Variants in SLC12A7 observed in about 807,000 individuals in gnomAD.
SLC12A7 encodes solute carrier family 12 member 7.
In SLC12A7, 100 loss-of-function variants were observed where a neutral mutation model predicts 120.6. That is an observed-to-expected ratio of 0.83 (90% CI 0.71 to 0.98). The LOEUF (loss-of-function observed/expected upper bound fraction) is 0.98, where lower values mean the gene tolerates loss of function less well. SLC12A7 is among the 50% of genes least tolerant of loss of function. The probability of loss-of-function intolerance (pLI) is 0.00; values close to 1 mark genes in which losing one functional copy is unlikely to be tolerated. For missense variants in SLC12A7, 1,373 were observed against 1,548.1 expected (o/e 0.89, Z 1.90); for synonymous variants, 760 against 678.0 (o/e 1.12, Z -1.88).
Position 1,074,188 on chromosome 5 carries a change from G to A in SLC12A7, c.2072+379C>T, listed in dbSNP as rs562162887. ...CGAGGCCCTGAGGGGACAATGGCCC[G>A]GGGCACACCCGAGGCCCCCGCCGAG... On this transcript the variant is annotated intron_variant, in intron 16 of 23. Transcript: ENST00000264930. Among the ~76,000 whole-genome samples, 282 of 151,950 alleles carry A rather than the reference G, an allele frequency of 1.9e-3. 2 individuals are homozygous for A. The highest frequency in any genetic ancestry group is 5.9e-3 in the African/African-American group (243 of 41,396).
chr5:1,052,890 C>T (rs781677717), intron 23 of SLC12A7, among the ~76,000 whole-genome samples: 2 of 152,244 alleles, frequency 1.3e-5, no homozygotes, highest in Admixed American at 6.5e-5. Context: ...TGTGCCAATA[C>T]GCCCAGATGC....
the SLC12A7 span, among the ~76,000 whole-genome samples, chr5:1,131,553 C>A: frequency 6.6e-6 from 1 of 152,206 alleles, no homozygotes; most frequent in Admixed American, 6.5e-5. Flanking sequence ...CTCCGGGCAA[C>A]CTGCCAGGAC....
chr5:1,100,664 G>A (rs549070406), intron 1 of SLC12A7, among the ~76,000 whole-genome samples: 11 of 152,220 alleles, frequency 7.2e-5, no homozygotes, highest in Non-Finnish European at 1.0e-4. Flanking sequence ...CAGGGAGGGC[G>A]CCTGTCCTCT....
At position 1,074,508 on chromosome 5, in the gene SLC12A7, C is replaced by T. The variant is rs183720186; in HGVS notation, c.2072+59G>A. 6.2e-5 allele frequency: 93 copies of T among 1,499,862 alleles called. No homozygotes were observed. In the East Asian group the frequency reaches 1.8e-3, roughly 29 times the overall value. The allele number at this position is 1,499,862 out of a possible 1,614,324, so 92.9% of individuals were successfully genotyped here. A position where few individuals can be genotyped will look rare whatever the true frequency, so the allele number is the denominator to read the frequency against. Reference sequence around the variant, plus strand: ...GACTCAAAGGTCCCCACTCAAAGGCCGACCTCAGAAACAGCTCTTCTGTGC... The same window carrying T: ...GACTCAAAGGTCCCCACTCAAAGGCTGACCTCAGAAACAGCTCTTCTGTGC... On this transcript the variant is annotated intron_variant, in intron 16 of 23. Coordinates refer to ENST00000264930, the MANE Select transcript of SLC12A7 (RefSeq NM_006598.3).
At position 1,093,389 on chromosome 5, in the gene SLC12A7, C is replaced by T. The variant is rs1462370134; in HGVS notation, c.342+144G>A. 2.5e-5 allele frequency: 21 copies of T among 836,424 alleles called. No homozygotes were observed. In the Admixed American group the frequency reaches 4.4e-4, roughly 18 times the overall value. The allele number at this position is 836,424 out of a possible 1,614,324, so 51.8% of individuals were successfully genotyped here. On this transcript the variant is annotated intron_variant, in intron 3 of 23. Coordinates refer to ENST00000264930, the MANE Select transcript of SLC12A7 (RefSeq NM_006598.3). ...GCTGCAGGGCAGGCACCATCGAGCC[C>T]TCCCAGGAAGAAAGGGCTGGACGTG... is the stretch of plus-strand genomic sequence containing the variant.
At chr5:1,117,769 C>T in the SLC12A7 span, among the ~76,000 whole-genome samples, 2 of 152,198 alleles carry the variant, frequency 1.3e-5, no homozygotes, top group Non-Finnish European at 2.9e-5. This position sits in a 1 kb window ranked among gnomAD's most constrained non-coding sequence, Gnocchi z 4.5. Context: ...ACCCACTAAG[C>T]TGTCCTTAAA....
At chr5:1,127,489 C>A in the SLC12A7 span, among the ~76,000 whole-genome samples, 1 of 152,210 alleles carries the variant, frequency 6.6e-6, no homozygotes, top group Non-Finnish European at 1.5e-5. Context: ...GGGCGTGCAG[C>A]CCTGCCCACA....
chr5:1,147,089 G>A, the SLC12A7 span, among the ~76,000 whole-genome samples: 1 of 152,136 alleles, frequency 6.6e-6, no homozygotes, highest in Non-Finnish European at 1.5e-5. Flanking sequence ...GTGTGTGTCT[G>A]AATTTCCTTT....
chr5:1,053,542 G>GGCTGA, intron 22 of SLC12A7, 60 bp from the exon 23 acceptor site: 1 of 1,587,908 alleles, frequency 6.3e-7, no homozygotes, highest in African/African-American at 1.3e-5. Flanking sequence ...CCGGACACGA[G>GGCTGA]GCTGAGCTGA....
Position 1,064,112 on chromosome 5 carries a change from G to A in SLC12A7, c.2578C>T (p.Leu860=), listed in dbSNP as rs116788523. 6.0e-4 allele frequency: 973 copies of A among 1,609,750 alleles called. 5 individuals are homozygous for A. The African/African-American group carries it at 0.011, about 19-fold the overall frequency. Residue 860 remains leucine (L), a synonymous_variant, in exon 19 of 24, where the codon CTG becomes TTG. Coordinates refer to ENST00000264930, the MANE Select transcript of SLC12A7 (RefSeq NM_006598.3). ...TGCTGGCGCAGCAGGAAGGGCAGCA[G>A]CATGAGCATGCCGCCGTCGTGCACG... ...WIVHDGGMLM[L]LPFLLRQHKV...
the SLC12A7 span, among the ~76,000 whole-genome samples, chr5:1,119,970 A>AC: frequency 3.3e-5 from 5 of 151,570 alleles, no homozygotes; most frequent in South Asian, 2.1e-4. Context: ...GGCAGCTGGG[A>AC]CCCCCCCATA....
chr5:1,076,151 T>A lies in SLC12A7; in HGVS notation c.1834A>T (p.Lys612Ter). Residue 612 changes from lysine (K) to a stop codon, truncating the protein, a stop_gained, in exon 14 of 24, where the codon AAG becomes TAG. Transcript: ENST00000264930. LOFTEE classifies it high-confidence loss of function. ...LRTPNWRPRF[K>*]FYHWTLSFLG... ...GAGTGGCCTCACCAGTGGTAGAACTTGAAGCGTGGACGCCAGTTGGGGGTA... is the reference window on the plus strand; with the variant it reads ...GAGTGGCCTCACCAGTGGTAGAACTAGAAGCGTGGACGCCAGTTGGGGGTA... The A allele has an allele frequency of 6.2e-7, 1 of 1,611,160 alleles. No individual in the cohort carries two copies. Among genetic ancestry groups the A allele is most frequent in the Non-Finnish European group, 8.5e-7 (1 of 1,179,116 alleles).
the SLC12A7 span, among the ~76,000 whole-genome samples, chr5:1,134,818 C>T: frequency 2.6e-5 from 4 of 152,214 alleles, no homozygotes; most frequent in Non-Finnish European, 4.4e-5. Flanking sequence ...GTCCACACAG[C>T]GGGATGTTGT....
chr5:1,143,205 A>G, the SLC12A7 span, among the ~76,000 whole-genome samples: 2 of 152,110 alleles, frequency 1.3e-5, no homozygotes, highest in Non-Finnish European at 2.9e-5. Flanking sequence ...ACATCCCGCC[A>G]CCTCCCGCAG....
the SLC12A7 span, among the ~76,000 whole-genome samples, chr5:1,128,567 C>CT: frequency 6.6e-6 from 1 of 152,248 alleles, no homozygotes; most frequent in East Asian, 1.9e-4. Flanking sequence ...CCCCAACACT[C>CT]TGAGACCTCT....
chr5:1,138,222 ATT>A, the SLC12A7 span, among the ~76,000 whole-genome samples: 29 of 152,140 alleles, frequency 1.9e-4, no homozygotes, highest in African/African-American at 7.0e-4. Flanking sequence ...CTTCCACATC[ATT>A]GAAATGAACC....
At chr5:1,107,982 G>A (rs900732553) in intron 1 of SLC12A7, among the ~76,000 whole-genome samples, 1 of 151,602 alleles carries the variant, frequency 6.6e-6, no homozygotes, top group Non-Finnish European at 1.5e-5. Flanking sequence ...CTGCTGTGGA[G>A]GAAGCCCCAG....
At chr5:1,147,247 G>GCCC in the SLC12A7 span, among the ~76,000 whole-genome samples, 29 of 75,262 alleles carry the variant, frequency 3.9e-4, no homozygotes, top group South Asian at 5.5e-4. Context: ...GGCCCACCCC[G>GCCC]CCACCCCCCC....
At chr5:1,142,810 C>T in the SLC12A7 span, among the ~76,000 whole-genome samples, 4 of 151,644 alleles carry the variant, frequency 2.6e-5, no homozygotes, top group Non-Finnish European at 5.9e-5. Flanking sequence ...CCATACACAC[C>T]CCTCCCCTCC....
Sources: allele counts gnomAD v4.1 joint callset (sites outside exome capture counted in the v4.1 genomes callset), GRCh38; gene constraint gnomAD v4.1.1; non-coding constraint Gnocchi (gnomAD v3.1); transcripts MANE v1.5; gene names NCBI Gene and HGNC (gene_info 2026-07-23, HGNC 2026-07-21).